The following GALNTL6 variants were observed in gnomAD, a reference collection of about 807,000 sequenced individuals.
GALNTL6 encodes polypeptide N-acetylgalactosaminyltransferase like 6.
Under a neutral mutation model 73.7 loss-of-function variants are expected in GALNTL6, and 46 were observed. The ratio of observed to expected loss-of-function variants is 0.62; its 90% CI spans 0.49 to 0.80. The LOEUF is 0.80. GALNTL6 is among the 30% of genes least tolerant of loss of function. GALNTL6 has a pLI of 0.00. For synonymous variants in GALNTL6, 259 were observed against 263.7 expected (o/e 0.98, Z 0.17); for missense variants, 604 against 755.0 (o/e 0.80, Z 2.34).
At chr4:172,561,207 T>C (rs938230285) in intron 5 of GALNTL6, among the ~76,000 whole-genome samples, 11 of 137,644 alleles carry the variant, frequency 8.0e-5, no homozygotes, top group South Asian at 2.4e-4. Flanking sequence ...GAGCCGAGAT[T>C]GCGCCACTGC....
At chr4:172,160,222 G>T (rs1734410808) in intron 2 of GALNTL6, among the ~76,000 whole-genome samples, 1 of 151,922 alleles carries the variant, frequency 6.6e-6, no homozygotes, top group African/African-American at 2.4e-5. Flanking sequence ...GTATATTAGA[G>T]TGAATGTTGT....
At chr4:171,907,546 T>A (rs1258128360) in intron 2 of GALNTL6, among the ~76,000 whole-genome samples, 1 of 151,944 alleles carries the variant, frequency 6.6e-6, no homozygotes, top group Non-Finnish European at 1.5e-5. Context: ...GAAGAATCAA[T>A]ATCGTGAAAA....
chr4:173,012,320 A>G (rs981471630), intron 11 of GALNTL6, among the ~76,000 whole-genome samples: 4 of 152,044 alleles, frequency 2.6e-5, no homozygotes, highest in African/African-American at 9.7e-5. Flanking sequence ...ATGTGTTGAG[A>G]TTCACCTCCC....
chr4:173,030,723 T>A (rs140177359), intron 12 of GALNTL6, among the ~76,000 whole-genome samples: 1 of 151,914 alleles, frequency 6.6e-6, no homozygotes, highest in East Asian at 1.9e-4. Context: ...GAGTTACGTT[T>A]CATCCCTAAT....
intron 2 of GALNTL6, among the ~76,000 whole-genome samples, chr4:172,048,129 G>A (rs1324255050): frequency 6.6e-6 from 1 of 152,078 alleles, no homozygotes; most frequent in Non-Finnish European, 1.5e-5. Context: ...AATGAAGGAA[G>A]AACCAGCAAG....
chr4:172,781,049 A>G (rs1427149676), intron 5 of GALNTL6, among the ~76,000 whole-genome samples: 2 of 152,200 alleles, frequency 1.3e-5, no homozygotes, highest in African/African-American at 4.8e-5. Context: ...GAGAAAAATA[A>G]GTTTTATTTC....
intron 2 of GALNTL6, among the ~76,000 whole-genome samples, chr4:172,126,800 T>A (rs1277825352): frequency 6.6e-6 from 1 of 152,108 alleles, no homozygotes; most frequent in African/African-American, 2.4e-5. Flanking sequence ...GAAGGTACCC[T>A]AACTGGGGTC....
chr4:172,497,679 C>T (rs1459294801), intron 5 of GALNTL6, among the ~76,000 whole-genome samples: 1 of 152,188 alleles, frequency 6.6e-6, no homozygotes, highest in Non-Finnish European at 1.5e-5. Context: ...AATCCCTGGG[C>T]ATATCAGAAG....
intron 2 of GALNTL6, among the ~76,000 whole-genome samples, chr4:171,928,107 T>C (rs1738043606): frequency 6.6e-6 from 1 of 152,210 alleles, no homozygotes; most frequent in South Asian, 2.1e-4. Context: ...TTATTTTAAC[T>C]ATGTTTTTTC....
At chr4:172,466,446 T>TATC (rs1732823500) in intron 5 of GALNTL6, among the ~76,000 whole-genome samples, 1 of 152,230 alleles carries the variant, frequency 6.6e-6, no homozygotes, top group Non-Finnish European at 1.5e-5. Flanking sequence ...CTTAGTCTTG[T>TATC]ATCTCAAGAT....
intron 2 of GALNTL6, among the ~76,000 whole-genome samples, chr4:171,823,961 TA>T (rs1241703552): frequency 6.7e-6 from 1 of 150,336 alleles, no homozygotes; most frequent in Non-Finnish European, 1.5e-5. Context: ...AAAACAACAA[TA>T]AAAGTAAAAA....
Position 172,317,468 on chromosome 4 carries a change from T to G in GALNTL6, c.386+5716T>G, listed in dbSNP as rs941359060. Among the ~76,000 whole-genome samples, 11 of 152,222 alleles carry G rather than the reference T, an allele frequency of 7.2e-5. No individual in the cohort carries two copies. The East Asian group carries it at 1.9e-3, about 27-fold the overall frequency. ...CTTTGTCTTCTGATAATGATCTTGTTGATTCCCTTTTTTATTTTCCAGTTA... is the reference window on the plus strand; with the variant it reads ...CTTTGTCTTCTGATAATGATCTTGTGGATTCCCTTTTTTATTTTCCAGTTA... On this transcript the variant is annotated intron_variant, in intron 4 of 12. Coordinates refer to ENST00000506823, the MANE Select transcript of GALNTL6 (RefSeq NM_001034845.3).
rs373136832 is a variant in GALNTL6, at chr4:172,679,642, C to T, written c.554-129719C>T. ...TTGTTTGCTGCTGTTAATCACTCCA[C>T]CTCTATTACTCAACCTGTTATTATT... On this transcript the variant is annotated intron_variant, in intron 5 of 12. Coordinates refer to ENST00000506823, the MANE Select transcript of GALNTL6 (RefSeq NM_001034845.3). Among the ~76,000 whole-genome samples the T allele has an allele frequency of 1.5e-3, 229 of 152,240 alleles. 4 individuals are homozygous for T. Among genetic ancestry groups the T allele is most frequent in the Admixed American group, 1.9e-3 (29 of 15,286 alleles).
At chr4:172,287,338 C>T (rs888128929) in intron 3 of GALNTL6, among the ~76,000 whole-genome samples, 5 of 152,132 alleles carry the variant, frequency 3.3e-5, no homozygotes, top group Admixed American at 6.5e-5. Flanking sequence ...AGGCCTCATG[C>T]TGTGTGCATG....
intron 2 of GALNTL6, among the ~76,000 whole-genome samples, chr4:171,996,214 G>T (rs936074786): frequency 2.0e-5 from 3 of 151,956 alleles, no homozygotes; most frequent in Non-Finnish European, 4.4e-5. Flanking sequence ...TGCTTTATTT[G>T]GTATATGGAA....
At chr4:172,556,776 AATTACTG>A (rs1258516411) in intron 5 of GALNTL6, among the ~76,000 whole-genome samples, 2 of 151,930 alleles carry the variant, frequency 1.3e-5, no homozygotes, top group African/African-American at 4.8e-5. Flanking sequence ...AAAGAAAAAA[AATTACTG>A]ATTACTAGAC....
At chr4:171,847,604 C>T (rs1031238127) in intron 2 of GALNTL6, among the ~76,000 whole-genome samples, 1 of 152,056 alleles carries the variant, frequency 6.6e-6, no homozygotes, top group Non-Finnish European at 1.5e-5. Flanking sequence ...TCTCAAACCC[C>T]GACACTGCTT....
At chr4:172,474,775 A>C (rs1467786488) in intron 5 of GALNTL6, among the ~76,000 whole-genome samples, 2 of 152,134 alleles carry the variant, frequency 1.3e-5, no homozygotes, top group African/African-American at 2.4e-5. Flanking sequence ...GAATGAATGA[A>C]AGTTTTTCTC....
intron 5 of GALNTL6, among the ~76,000 whole-genome samples, chr4:172,670,457 T>G (rs550447408): frequency 2.9e-4 from 44 of 152,180 alleles, no homozygotes; most frequent in Admixed American, 1.2e-3. Context: ...TTTTGAAAAG[T>G]GTCTGTTCAT....
Sources: allele counts gnomAD v4.1 joint callset (sites outside exome capture counted in the v4.1 genomes callset), GRCh38; gene constraint gnomAD v4.1.1; transcripts MANE v1.5; gene names NCBI Gene and HGNC (gene_info 2026-07-23, HGNC 2026-07-21).